CDH13: variants seen among roughly 807,000 people sequenced by gnomAD.
CDH13 encodes cadherin 13.
CDH13 carries 24 observed loss-of-function variants against 63.8 expected under a neutral mutation model. The observed-to-expected ratio is 0.38, with a 90% CI of 0.27 to 0.53. The LOEUF (loss-of-function observed/expected upper bound fraction) is 0.53. Ranked by LOEUF, CDH13 falls within the 20% of genes least tolerant of loss-of-function variation. The probability of loss-of-function intolerance (pLI) is 0.85; values close to 1 mark genes in which losing one functional copy is unlikely to be tolerated. For synonymous variants in CDH13, 503 were observed against 355.3 expected (o/e 1.42, Z -4.67); for missense variants, 1,049 against 903.1 (o/e 1.16, Z -2.07).
intron 7 of CDH13, among the ~76,000 whole-genome samples, chr16:83,517,477 C>A (rs1421031192): frequency 6.6e-6 from 1 of 152,204 alleles, no homozygotes; most frequent in African/African-American, 2.4e-5. Context: ...GCATGTGGAG[C>A]ACTGGCCTCC....
At chr16:82,851,677 G>A (rs893448034) in intron 1 of CDH13, among the ~76,000 whole-genome samples, 7 of 19,868 alleles carry the variant, frequency 3.5e-4, no homozygotes, top group South Asian at 6.1e-3. Flanking sequence ...ATGTGTGTAC[G>A]TGTGTGTGTG....
At chr16:83,577,290 T>G (rs191567601) in intron 7 of CDH13, among the ~76,000 whole-genome samples, 1 of 152,216 alleles carries the variant, frequency 6.6e-6, no homozygotes, top group Non-Finnish European at 1.5e-5. Context: ...ATGATCACAT[T>G]GAAGGAAGAA....
chr16:83,162,544 A>AGCT (rs1334727415), intron 4 of CDH13, among the ~76,000 whole-genome samples: 2 of 150,818 alleles, frequency 1.3e-5, no homozygotes, highest in Admixed American at 6.6e-5. Flanking sequence ...TTAAAGGTTG[A>AGCT]ACAAAGCAAG....
intron 6 of CDH13, among the ~76,000 whole-genome samples, chr16:83,423,880 CCCATTTCCCT>C (rs1308234025): frequency 5.3e-5 from 8 of 152,176 alleles, no homozygotes; most frequent in African/African-American, 1.9e-4. Flanking sequence ...ACTTTCTACC[CCCATTTCCCT>C]CCGTCCTATG....
At chr16:82,709,881 C>T (rs1172258262) in intron 1 of CDH13, among the ~76,000 whole-genome samples, 1 of 151,908 alleles carries the variant, frequency 6.6e-6, no homozygotes, top group Non-Finnish European at 1.5e-5. Context: ...ATAGAGCTGT[C>T]CAAAGAAGGA....
At chr16:82,747,978 G>A (rs543069378) in intron 1 of CDH13, among the ~76,000 whole-genome samples, 71 of 152,236 alleles carry the variant, frequency 4.7e-4, no homozygotes, top group African/African-American at 1.7e-3. Flanking sequence ...GAAAAGCTTG[G>A]GCTCAACTTG....
At chr16:83,468,643 A>G (rs2073378667) in intron 6 of CDH13, among the ~76,000 whole-genome samples, 1 of 152,126 alleles carries the variant, frequency 6.6e-6, no homozygotes, top group African/African-American at 2.4e-5. Context: ...AATAACTCAA[A>G]TCATTCAGAC....
chr16:83,002,124 A>C (rs150549149), intron 2 of CDH13, among the ~76,000 whole-genome samples: 28 of 152,366 alleles, frequency 1.8e-4, no homozygotes, highest in Admixed American at 3.3e-4. Flanking sequence ...AGATATGTCC[A>C]CATCCTAATC....
chr16:83,374,232 C>T (rs1410316416), intron 6 of CDH13, among the ~76,000 whole-genome samples: 3 of 152,116 alleles, frequency 2.0e-5, no homozygotes, highest in Admixed American at 1.3e-4. Flanking sequence ...ATAGTGTGCC[C>T]CAGACATATT....
At position 83,466,062 on chromosome 16, in the gene CDH13, C is replaced by T. The variant is rs193040585; in HGVS notation, c.782-20415C>T. Among the ~76,000 whole-genome samples the T allele has an allele frequency of 9.2e-5, 14 of 152,288 alleles. No individual in the cohort carries two copies. The East Asian group carries it at 2.3e-3, about 25-fold the overall frequency. On this transcript the variant is annotated intron_variant, in intron 6 of 13. Transcript: ENST00000567109. ...TGAACCACAGGAGCTTGTGGTCTCT[C>T]GAGGCAGGACCACCCCCCGCAACCC... is the stretch of plus-strand genomic sequence containing the variant.
chr16:83,332,561 C>G (rs994377116), intron 5 of CDH13, among the ~76,000 whole-genome samples: 1 of 152,148 alleles, frequency 6.6e-6, no homozygotes, highest in Non-Finnish European at 1.5e-5. Context: ...CCAGTAATTT[C>G]TCTCTGCTGG....
At chr16:82,996,445 T>C (rs2151416248) in intron 2 of CDH13, among the ~76,000 whole-genome samples, 1 of 152,292 alleles carries the variant, frequency 6.6e-6, no homozygotes, top group South Asian at 2.1e-4. Context: ...GGACCCAGCA[T>C]GGTCCTGCTT....
intron 3 of CDH13, among the ~76,000 whole-genome samples, chr16:83,100,986 A>G (rs1044199697): frequency 6.6e-6 from 1 of 152,090 alleles, no homozygotes; most frequent in Non-Finnish European, 1.5e-5. Flanking sequence ...CTCATTTTTC[A>G]TTTCCTATAT....
chr16:82,763,613 T>C (rs888009146), intron 1 of CDH13, among the ~76,000 whole-genome samples: 2 of 152,224 alleles, frequency 1.3e-5, no homozygotes, highest in Admixed American at 6.5e-5. Context: ...ACAACAACAG[T>C]GAATACATGA....
chr16:83,140,087 C>T (rs548865665), intron 4 of CDH13, among the ~76,000 whole-genome samples: 9 of 152,280 alleles, frequency 5.9e-5, no homozygotes, highest in Admixed American at 2.0e-4. Context: ...TTTTAAAGTG[C>T]GTATACATTC....
intron 1 of CDH13, among the ~76,000 whole-genome samples, chr16:82,713,148 C>T (rs947363696): frequency 6.6e-6 from 1 of 152,012 alleles, no homozygotes; most frequent in Non-Finnish European, 1.5e-5. Context: ...GTCATTGTCC[C>T]TCAATTTGGG....
chr16:82,696,429 G>GT (rs2030299411), intron 1 of CDH13, among the ~76,000 whole-genome samples: 1 of 152,164 alleles, frequency 6.6e-6, no homozygotes. Flanking sequence ...CCGTTGTTTT[G>GT]TAAGAGTAAG....
chr16:83,300,977 G>A (rs575381047), intron 5 of CDH13, among the ~76,000 whole-genome samples: 1 of 147,330 alleles, frequency 6.8e-6, no homozygotes, highest in South Asian at 2.2e-4. Context: ...TAAACTGTGG[G>A]CATTTTTAAT....
At chr16:82,847,581 C>G (rs1467707549) in intron 1 of CDH13, among the ~76,000 whole-genome samples, 1 of 152,192 alleles carries the variant, frequency 6.6e-6, no homozygotes, top group Non-Finnish European at 1.5e-5. Context: ...ATTACATAAT[C>G]CAGGATAAGC....
Sources: gnomAD v4.1 joint callset for allele counts (sites outside exome capture counted in the v4.1 genomes callset) on GRCh38, gnomAD v4.1.1 for gene constraint, MANE v1.5 for transcripts, NCBI Gene and HGNC (gene_info 2026-07-23, HGNC 2026-07-21) for gene names.